THSD4: variants seen among roughly 807,000 people sequenced by gnomAD.
The protein encoded by THSD4 is thrombospondin type 1 domain containing 4.
Under a neutral mutation model 119.0 loss-of-function variants are expected in THSD4, and 69 were observed. The observed-to-expected ratio is 0.58, with a 90% confidence interval of 0.48 to 0.71. THSD4 has a LOEUF of 0.71. Among genes scored for constraint, THSD4 ranks in the 30% least tolerant of loss-of-function variants. THSD4 has a pLI of 0.00. For synonymous variants in THSD4, 524 were observed against 540.4 expected (o/e 0.97, Z 0.42); for missense variants, 1,393 against 1,391.1 (o/e 1.00, Z -0.02).
chr15:71,761,358 A>T (rs1386011426), intron 15 of THSD4, among the ~76,000 whole-genome samples: 1 of 152,052 alleles, frequency 6.6e-6, no homozygotes, highest in East Asian at 1.9e-4. Context: ...TTCCCCTTTT[A>T]TTTACCTCCA....
chr15:71,738,860 AAC>A (rs1286278615), intron 11 of THSD4, among the ~76,000 whole-genome samples: 2 of 152,122 alleles, frequency 1.3e-5, no homozygotes, highest in Non-Finnish European at 2.9e-5. Context: ...AGCATAAAAA[AAC>A]ACTCTTATCA....
chr15:71,434,085 T>C (rs1004166679), intron 7 of THSD4, among the ~76,000 whole-genome samples: 1 of 152,192 alleles, frequency 6.6e-6, no homozygotes, highest in Non-Finnish European at 1.5e-5. Context: ...AATTAAATTC[T>C]GAAGCCATTT....
intron 8 of THSD4, among the ~76,000 whole-genome samples, chr15:71,670,095 A>G (rs1229143307): frequency 1.3e-5 from 2 of 151,604 alleles, no homozygotes; most frequent in African/African-American, 2.4e-5. Flanking sequence ...TTTTTTTATT[A>G]TTATACTTTA....
intron 16 of THSD4, chr15:71,766,916 A>G (rs979406621): frequency 1.3e-5 from 2 of 152,186 alleles, no homozygotes; most frequent in African/African-American, 4.8e-5. Flanking sequence ...GTCCATCTAT[A>G]TAATATTCTG....
At chr15:71,225,790 C>T (rs562412295) in intron 4 of THSD4, among the ~76,000 whole-genome samples, 1 of 152,168 alleles carries the variant, frequency 6.6e-6, no homozygotes, top group Admixed American at 6.5e-5. Flanking sequence ...ATCTGCTTGT[C>T]TTGGCCTCCC....
chr15:71,414,875 A>G (rs1049642795), intron 7 of THSD4, among the ~76,000 whole-genome samples: 2 of 152,214 alleles, frequency 1.3e-5, no homozygotes, highest in Non-Finnish European at 1.5e-5. Context: ...TGTTCTCTGC[A>G]TTTGCCTGAA....
At chr15:71,197,294 G>A (rs889298947) in intron 3 of THSD4, among the ~76,000 whole-genome samples, 10 of 152,224 alleles carry the variant, frequency 6.6e-5, no homozygotes, top group Admixed American at 6.5e-4. Context: ...GAGAGGAAAG[G>A]ACTGTTTCTG....
chr15:71,448,299 T>C (rs2140574742), intron 7 of THSD4, among the ~76,000 whole-genome samples: 1 of 152,350 alleles, frequency 6.6e-6, no homozygotes. Flanking sequence ...CAGAGAAATG[T>C]CATTTGCCCA....
intron 7 of THSD4, among the ~76,000 whole-genome samples, chr15:71,659,453 C>G (rs934136102): frequency 6.6e-6 from 1 of 152,156 alleles, no homozygotes; most frequent in African/African-American, 2.4e-5. Context: ...AGGGCCTGCT[C>G]TGTTGCCCAG....
At chr15:71,252,561 C>T (rs540253443) in intron 5 of THSD4, among the ~76,000 whole-genome samples, 1 of 152,336 alleles carries the variant, frequency 6.6e-6, no homozygotes, top group African/African-American at 2.4e-5. Context: ...CCTGACAAGA[C>T]ACAGTTATGG....
rs554756991 is a variant in THSD4 at position 71,238,419 on chromosome 15, G to T, written c.465-4230G>T. On this transcript the variant is annotated intron_variant, in intron 4 of 17. Transcript: ENST00000261862. Reference sequence around the variant, plus strand: ...TGACTATCACGACTATCTAATTGCAGAACAGTTCCATCATCCTAAAAAGAC... The same window carrying T: ...TGACTATCACGACTATCTAATTGCATAACAGTTCCATCATCCTAAAAAGAC... Among the ~76,000 whole-genome samples the T allele has an allele frequency of 2.6e-5, 4 of 152,214 alleles. No homozygotes were observed. The East Asian group carries it at 7.7e-4, about 29-fold the overall frequency.
chr15:71,525,668 C>T (rs2048507993), intron 7 of THSD4, among the ~76,000 whole-genome samples: 1 of 152,192 alleles, frequency 6.6e-6, no homozygotes, highest in African/African-American at 2.4e-5. Flanking sequence ...CAGAACATTC[C>T]AACTGTGAGG....
intron 7 of THSD4, among the ~76,000 whole-genome samples, chr15:71,500,720 G>A (rs1489604883): frequency 1.3e-5 from 2 of 152,166 alleles, no homozygotes; most frequent in Non-Finnish European, 2.9e-5. Context: ...CCAATACCAC[G>A]TGTTGGAGAG....
intron 7 of THSD4, among the ~76,000 whole-genome samples, chr15:71,552,234 G>A (rs1199472504): frequency 2.0e-5 from 3 of 152,186 alleles, no homozygotes; most frequent in Non-Finnish European, 4.4e-5. Context: ...CTGGGCCTAT[G>A]AAAGTTCTCA....
intron 7 of THSD4, among the ~76,000 whole-genome samples, chr15:71,519,471 C>T (rs2048408314): frequency 6.6e-6 from 1 of 152,144 alleles, no homozygotes; most frequent in African/African-American, 2.4e-5. Context: ...AAGCAATTCT[C>T]CTGCCTCAGC....
At chr15:71,241,913 T>A (rs1466734191) in intron 4 of THSD4, among the ~76,000 whole-genome samples, 17 of 152,178 alleles carry the variant, frequency 1.1e-4, no homozygotes, top group Admixed American at 9.8e-4. Context: ...TGCAATATAT[T>A]TTTTTAGCTC....
chr15:71,376,940 G>T (rs1266988062), intron 6 of THSD4, among the ~76,000 whole-genome samples: 2 of 152,174 alleles, frequency 1.3e-5, no homozygotes, highest in African/African-American at 4.8e-5. Flanking sequence ...GGGGAAGGTG[G>T]TGACACCTTA....
In THSD4 at chr15:71,726,906, C is replaced by T. The variant is rs141307416; in HGVS notation, c.1358-1643C>T. On this transcript the variant is annotated intron_variant, in intron 8 of 17. Coordinates refer to ENST00000261862, the MANE Select transcript of THSD4 (RefSeq NM_024817.3). ...GAGACGAGATCGCACCATTGCACTC[C>T]GGCCTGGGCAACAAGAACGAAACGC... Among the ~76,000 whole-genome samples the T allele has an allele frequency of 3.8e-3, 569 of 151,640 alleles. 4 individuals are homozygous for T. The highest frequency in any genetic ancestry group is 0.013 in the African/African-American group (517 of 41,300).
At chr15:71,254,043 T>A (rs2044287781) in intron 5 of THSD4, among the ~76,000 whole-genome samples, 1 of 152,190 alleles carries the variant, frequency 6.6e-6, no homozygotes, top group East Asian at 1.9e-4. Flanking sequence ...GACTGTTAAG[T>A]CTTTGTAGTC....
Sources: gnomAD v4.1 joint callset for allele counts (sites outside exome capture counted in the v4.1 genomes callset) on GRCh38, gnomAD v4.1.1 for gene constraint, MANE v1.5 for transcripts, NCBI Gene and HGNC (gene_info 2026-07-23, HGNC 2026-07-21) for gene names.